BABAM2: variants seen among roughly 807,000 people sequenced by gnomAD.
BABAM2 encodes the protein BRISC and BRCA1-A complex member 2.
BABAM2 carries 31 observed loss-of-function variants against 54.7 expected under a neutral mutation model. The observed-to-expected ratio is 0.57, with a 90% confidence interval of 0.43 to 0.77. The LOEUF (loss-of-function observed/expected upper bound fraction) is 0.77, where lower values mean the gene tolerates loss of function less well. BABAM2 is among the 30% of genes least tolerant of loss of function. The probability of loss-of-function intolerance (pLI) is 0.00; values close to 1 mark genes in which losing one functional copy is unlikely to be tolerated. For synonymous variants in BABAM2, 167 were observed against 162.9 expected, an observed-to-expected ratio of 1.03 and a Z score of -0.19; for missense variants, 364 against 455.8, an observed-to-expected ratio of 0.80 and a Z score of 1.83.
At chr2:28,113,902 T>A (rs1303271435) in intron 6 of BABAM2, among the ~76,000 whole-genome samples, 2 of 152,194 alleles carry the variant, frequency 1.3e-5, no homozygotes, top group Non-Finnish European at 2.9e-5. Context: ...TTATTCTCTT[T>A]GTAGCAGTTG....
intron 7 of BABAM2, among the ~76,000 whole-genome samples, chr2:28,139,150 G>A (rs1670805695): frequency 6.6e-6 from 1 of 151,414 alleles, no homozygotes. Context: ...TTTTTCAGCT[G>A]GGCGCAATGG....
intron 2 of BABAM2, among the ~76,000 whole-genome samples, chr2:27,903,972 C>T (rs533629334): frequency 4.6e-5 from 7 of 152,122 alleles, no homozygotes; most frequent in South Asian, 2.1e-4. Flanking sequence ...TGTGCTTTCC[C>T]GAAGCACTTT....
chr2:28,053,339 A>T (rs1678141548), intron 6 of BABAM2, among the ~76,000 whole-genome samples: 1 of 152,218 alleles, frequency 6.6e-6, no homozygotes. Context: ...GCTTTAAAGC[A>T]AAATAGTCGT....
chr2:28,061,755 C>T (rs552678763), intron 6 of BABAM2, among the ~76,000 whole-genome samples: 20 of 151,580 alleles, frequency 1.3e-4, no homozygotes, highest in Middle Eastern at 3.5e-3. Context: ...TAGAAGAAAA[C>T]GTGATAAAAT....
intron 4 of BABAM2, among the ~76,000 whole-genome samples, chr2:27,989,056 A>G (rs966144510): frequency 3.9e-5 from 6 of 152,184 alleles, no homozygotes; most frequent in African/African-American, 1.4e-4. Flanking sequence ...ATTGTTGGCA[A>G]GAGTAAGGTG....
chr2:27,989,439 T>C (rs896968762), intron 4 of BABAM2, among the ~76,000 whole-genome samples: 18 of 152,014 alleles, frequency 1.2e-4, no homozygotes, highest in African/African-American at 4.1e-4. Flanking sequence ...CATAAGCACA[T>C]TGGGGGAATG....
chr2:28,250,590 TTTTTG>T (rs1385361169), intron 10 of BABAM2, among the ~76,000 whole-genome samples: 3 of 148,772 alleles, frequency 2.0e-5, no homozygotes, highest in Non-Finnish European at 4.5e-5. Context: ...TTTTCTTTTT[TTTTTG>T]TTTGTTTGTT....
At position 27,894,538 on chromosome 2, in the gene BABAM2, A is replaced by G; in HGVS notation, c.-19A>G. 6.2e-7 allele frequency: 1 copy of G among 1,613,446 alleles called. No individual in the cohort carries two copies. The highest frequency in any genetic ancestry group is 1.3e-5 in the African/African-American group (1 of 75,004). ...TTCTTTCCTTCTGCTTTCAGTGGTG[A>G]TTTACAAGTCAAGTTAAAATGTCCC... On this transcript the variant is annotated 5_prime_UTR_variant, in exon 2 of 12. Coordinates refer to ENST00000379624, the MANE Select transcript of BABAM2 (RefSeq NM_199191.3).
intron 7 of BABAM2, among the ~76,000 whole-genome samples, chr2:28,135,907 T>A (rs10204081): frequency 1.3e-5 from 2 of 151,972 alleles, no homozygotes; most frequent in African/African-American, 4.8e-5. Flanking sequence ...TTTATCCATG[T>A]GGAACTGTCA....
rs973014841 is a variant in BABAM2 at position 28,325,078 on chromosome 2, G to A, written c.1089-13372G>A. 2.3e-4 allele frequency among the ~76,000 whole-genome samples: 35 copies of A among 152,028 alleles called. No individual in the cohort carries two copies. The highest frequency in any genetic ancestry group is 2.6e-4 in the Admixed American group (4 of 15,264). ...CTAAAACAAAAGTGCCACATACAGTGCACTCTGATTTTATTTCACTTTATT... is the reference window on the plus strand; with the variant it reads ...CTAAAACAAAAGTGCCACATACAGTACACTCTGATTTTATTTCACTTTATT... On this transcript the variant is annotated intron_variant, in intron 11 of 11. Coordinates refer to ENST00000379624, the MANE Select transcript of BABAM2 (RefSeq NM_199191.3). This position sits in a 1 kb window ranked among gnomAD's most constrained non-coding sequence, Gnocchi z 4.3.
At chr2:28,288,741 T>C (rs942152843) in intron 10 of BABAM2, among the ~76,000 whole-genome samples, 10 of 152,224 alleles carry the variant, frequency 6.6e-5, no homozygotes, top group Non-Finnish European at 1.5e-5. Flanking sequence ...ATTCAACTTG[T>C]AACCATCTAG....
chr2:28,245,026 G>A (rs1253556885), intron 10 of BABAM2, among the ~76,000 whole-genome samples, 164 bp downstream of exon 10: 2 of 151,866 alleles, frequency 1.3e-5, no homozygotes, highest in Admixed American at 6.6e-5. Flanking sequence ...TCTCTAGGCC[G>A]GTGGTTCTCA....
chr2:28,057,900 T>C (rs1678556938), intron 6 of BABAM2, among the ~76,000 whole-genome samples: 1 of 151,766 alleles, frequency 6.6e-6, no homozygotes, highest in Non-Finnish European at 1.5e-5. Context: ...TTCCAGCACT[T>C]TGGGAGGCCG....
At chr2:27,904,357 A>C (rs754236289) in intron 2 of BABAM2, among the ~76,000 whole-genome samples, 17 of 152,200 alleles carry the variant, frequency 1.1e-4, no homozygotes, top group Non-Finnish European at 2.4e-4. Context: ...CCAGTAATTA[A>C]AATTTTGCTG....
Position 28,157,190 on chromosome 2 carries a change from A to G in BABAM2, c.680+27810A>G, listed in dbSNP as rs1012578395. On this transcript the variant is annotated intron_variant, in intron 7 of 11. Transcript: ENST00000379624. ...GCAATTTAGAAAACTAAAGAAAAGTATCATTATCTTCAACAAACATTTATC... is the reference window on the plus strand; with the variant it reads ...GCAATTTAGAAAACTAAAGAAAAGTGTCATTATCTTCAACAAACATTTATC... 1.5e-4 allele frequency among the ~76,000 whole-genome samples: 23 copies of G among 152,242 alleles called. 1 individual carries two copies. Among genetic ancestry groups the G allele is most frequent in the African/African-American group, 4.1e-4 (17 of 41,468 alleles).
intron 3 of BABAM2, among the ~76,000 whole-genome samples, chr2:27,964,511 G>T (rs543306275): frequency 6.6e-6 from 1 of 152,210 alleles, no homozygotes; most frequent in Non-Finnish European, 1.5e-5. Context: ...ACCCAGTCTT[G>T]TGCTGGATTA....
intron 10 of BABAM2, among the ~76,000 whole-genome samples, chr2:28,291,861 T>G (rs1687310821): frequency 6.6e-6 from 1 of 152,190 alleles, no homozygotes; most frequent in East Asian, 1.9e-4. Context: ...TCTCAAAGGT[T>G]TAGTGTGTAG....
chr2:28,307,720 C>T (rs941444827), intron 11 of BABAM2: 1 of 151,978 alleles, frequency 6.6e-6, no homozygotes, highest in African/African-American at 2.4e-5. Flanking sequence ...TAATAGTCAA[C>T]TAACTTTTAA....
chr2:28,152,069 T>G lies in BABAM2; in HGVS notation c.680+22689T>G, dbSNP rs115218589. 1.7e-3 allele frequency among the ~76,000 whole-genome samples: 256 copies of G among 152,320 alleles called. 2 individuals are homozygous for G. Among genetic ancestry groups the G allele is most frequent in the African/African-American group, 5.9e-3 (246 of 41,578 alleles). ...TCTACCATGTTAGAATATGTAAGAA[T>G]AAACTCAGGTGGAGATGCTTTCCTG... On this transcript the variant is annotated intron_variant, in intron 7 of 11. Coordinates refer to ENST00000379624, the MANE Select transcript of BABAM2 (RefSeq NM_199191.3).
Sources: gnomAD v4.1 joint callset for allele counts (sites outside exome capture counted in the v4.1 genomes callset) on GRCh38, gnomAD v4.1.1 for gene constraint, Gnocchi (gnomAD v3.1) non-coding constraint, MANE v1.5 for transcripts, NCBI Gene and HGNC (gene_info 2026-07-23, HGNC 2026-07-21) for gene names.